Variants in TIAM1 observed in about 807,000 individuals in gnomAD.
TIAM1 encodes TIAM Rac1 associated GEF 1.
In TIAM1, 65 loss-of-function variants were observed where a neutral mutation model predicts 163.5. The observed-to-expected ratio is 0.40, with a 90% CI of 0.33 to 0.49. The LOEUF is 0.49. Ranked by LOEUF, TIAM1 falls within the 20% of genes least tolerant of loss-of-function variation. The pLI, the probability that TIAM1 is intolerant of heterozygous loss-of-function variation, is 0.77. For missense variants in TIAM1, 1,789 were observed against 2,044.7 expected (o/e 0.87, Z 2.41); for synonymous variants, 833 against 810.1 (o/e 1.03, Z -0.48).
At chr21:31,477,292 C>T (rs750879651) in intron 1 of TIAM1, among the ~76,000 whole-genome samples, 23 of 152,128 alleles carry the variant, frequency 1.5e-4, no homozygotes, top group Non-Finnish European at 2.4e-4. Flanking sequence ...CACATATTTC[C>T]TGAAATTCTT....
chr21:31,156,604 T>TG (rs2083632066), intron 16 of TIAM1, among the ~76,000 whole-genome samples: 1 of 152,254 alleles, frequency 6.6e-6, no homozygotes, highest in Non-Finnish European at 1.5e-5. Flanking sequence ...AGTAGGGCTT[T>TG]GTCTTAAAAA....
intron 5 of TIAM1, among the ~76,000 whole-genome samples, chr21:31,249,345 C>A (rs907953464): frequency 6.6e-6 from 1 of 152,202 alleles, no homozygotes; most frequent in African/African-American, 2.4e-5. Flanking sequence ...ACACCTTGAT[C>A]TTGGATTTCC....
intron 2 of TIAM1, among the ~76,000 whole-genome samples, chr21:31,335,980 G>A (rs1344676691): frequency 6.6e-6 from 1 of 152,180 alleles, no homozygotes; most frequent in African/African-American, 2.4e-5. Context: ...GTGCAATCAT[G>A]TATTCTGTTA....
intron 20 of TIAM1, among the ~76,000 whole-genome samples, chr21:31,144,844 AAAAAAAAAG>A (rs1258622028): frequency 6.7e-6 from 1 of 149,620 alleles, no homozygotes; most frequent in African/African-American, 2.5e-5. Context: ...AAAAAAAAAA[AAAAAAAAAG>A]AAAAGAAAAG....
At chr21:31,551,930 A>G (rs1461853028) in intron 1 of TIAM1, among the ~76,000 whole-genome samples, 1 of 152,164 alleles carries the variant, frequency 6.6e-6, no homozygotes, top group Non-Finnish European at 1.5e-5. Flanking sequence ...TTTCCAGAGA[A>G]TATCAGGCTG....
Position 31,158,264 on chromosome 21 carries a change from C to T in TIAM1, c.2992-3838G>A, listed in dbSNP as rs965901412. On this transcript the variant is annotated intron_variant, in intron 16 of 27. Coordinates refer to ENST00000541036, the MANE Select transcript of TIAM1 (RefSeq NM_001353694.2). ...AGTTCTGGCTTATATTAGGAAACAC[C>T]TTTAGCATCTCAGGGGACAGCTAAA... 4.6e-5 allele frequency among the ~76,000 whole-genome samples: 7 copies of T among 152,144 alleles called. No individual in the cohort carries two copies. The South Asian group carries it at 1.5e-3, about 32-fold the overall frequency.
intron 15 of TIAM1, among the ~76,000 whole-genome samples, chr21:31,180,904 CT>C (rs1229841447): frequency 6.6e-6 from 1 of 152,246 alleles, no homozygotes; most frequent in Non-Finnish European, 1.5e-5. Context: ...GAAGCTTCAA[CT>C]TGTCAAAATC....
intron 6 of TIAM1, among the ~76,000 whole-genome samples, chr21:31,241,834 C>G (rs1173437215): frequency 2.0e-5 from 3 of 151,798 alleles, no homozygotes; most frequent in Non-Finnish European, 2.9e-5. Context: ...TAGCAAGATT[C>G]TGTCTTTAAA....
chr21:31,233,669 C>T (rs1399856958), intron 6 of TIAM1, among the ~76,000 whole-genome samples: 2 of 152,230 alleles, frequency 1.3e-5, no homozygotes, highest in African/African-American at 4.8e-5. Flanking sequence ...GGCGCCACTG[C>T]ACTCCAGCCT....
intron 1 of TIAM1, among the ~76,000 whole-genome samples, chr21:31,519,444 G>A: frequency 6.7e-6 from 1 of 149,736 alleles, no homozygotes; most frequent in Admixed American, 6.7e-5. Context: ...GGGAAGCAGA[G>A]GTTGCAGTGA....
intron 15 of TIAM1, among the ~76,000 whole-genome samples, chr21:31,170,218 T>C (rs962163101): frequency 6.6e-6 from 1 of 152,164 alleles, no homozygotes; most frequent in Non-Finnish European, 1.5e-5. Context: ...GAAAACTATA[T>C]TAGGCAAACA....
chr21:31,271,748 G>A (rs993607273), intron 3 of TIAM1, among the ~76,000 whole-genome samples: 1 of 147,894 alleles, frequency 6.8e-6, no homozygotes, highest in East Asian at 2.1e-4. Context: ...GAAAGTGAGA[G>A]CAAAGGAGTC....
At chr21:31,289,212 A>G (rs569068798) in intron 2 of TIAM1, among the ~76,000 whole-genome samples, 28 of 152,330 alleles carry the variant, frequency 1.8e-4, no homozygotes, top group African/African-American at 5.8e-4. Flanking sequence ...GTGAGTGACC[A>G]GACCAGCAAA....
intron 1 of TIAM1, among the ~76,000 whole-genome samples, chr21:31,517,539 A>G (rs1418642178): frequency 6.6e-6 from 1 of 152,138 alleles, no homozygotes; most frequent in Non-Finnish European, 1.5e-5. Context: ...AAGAGAAGAA[A>G]ACACACGCAG....
At chr21:31,181,336 G>A (rs1398104511) in intron 15 of TIAM1, among the ~76,000 whole-genome samples, 1 of 152,106 alleles carries the variant, frequency 6.6e-6, no homozygotes, top group African/African-American at 2.4e-5. Context: ...AGTAAGAATC[G>A]CATGATCTAA....
At chr21:31,354,678 A>G (rs1038846948) in intron 2 of TIAM1, among the ~76,000 whole-genome samples, 4 of 152,186 alleles carry the variant, frequency 2.6e-5, no homozygotes, top group African/African-American at 9.7e-5. Flanking sequence ...ACTCACAAGG[A>G]TGACACAGTT....
At chr21:31,431,347 T>C (rs1478514358) in intron 2 of TIAM1, among the ~76,000 whole-genome samples, 1 of 152,150 alleles carries the variant, frequency 6.6e-6, no homozygotes, top group Non-Finnish European at 1.5e-5. Context: ...GCTATACCCC[T>C]AGAATTTCTG....
chr21:31,535,970 G>A (rs1354619444), intron 1 of TIAM1, among the ~76,000 whole-genome samples: 2 of 152,228 alleles, frequency 1.3e-5, no homozygotes, highest in Non-Finnish European at 2.9e-5. Flanking sequence ...ATGAATGGAA[G>A]ACGATGGGTT....
intron 1 of TIAM1, among the ~76,000 whole-genome samples, chr21:31,476,138 GC>G (rs1430001052): frequency 6.6e-6 from 1 of 152,200 alleles, no homozygotes; most frequent in Non-Finnish European, 1.5e-5. Context: ...TTCAAGGTTG[GC>G]AGGGCGATTT....
Sources: allele counts gnomAD v4.1 joint callset (sites outside exome capture counted in the v4.1 genomes callset), GRCh38; gene constraint gnomAD v4.1.1; transcripts MANE v1.5; gene names NCBI Gene and HGNC (gene_info 2026-07-23, HGNC 2026-07-21).